The following WDTC1 variants were observed in gnomAD, a reference collection of about 807,000 sequenced individuals.
The protein encoded by WDTC1 is WD and tetratricopeptide repeats 1.
WDTC1 carries 12 observed loss-of-function variants against 76.0 expected under a neutral mutation model. The observed-to-expected ratio is 0.16, with a 90% CI of 0.10 to 0.26. The LOEUF is 0.26. WDTC1 is among the 10% of genes least tolerant of loss of function. WDTC1 has a pLI of 1.00. For synonymous variants in WDTC1, 326 were observed against 350.8 expected, an observed-to-expected ratio of 0.93 and a Z score of 0.79; for missense variants, 511 against 908.8, an observed-to-expected ratio of 0.56 and a Z score of 5.63.
At chr1:27,282,384 C>T (rs1055958533) in intron 4 of WDTC1, 99 bp downstream of exon 4, 57 of 1,240,498 alleles carry the variant, frequency 4.6e-5, no homozygotes, top group Middle Eastern at 2.2e-4. Context: ...AAAGATTGGA[C>T]CCAAATGAAA....
At chr1:27,300,620 C>T (rs1282626708) in intron 12 of WDTC1, among the ~76,000 whole-genome samples, 1 of 152,134 alleles carries the variant, frequency 6.6e-6, no homozygotes, top group Non-Finnish European at 1.5e-5. Context: ...TTCCAGAGAG[C>T]TGACTCTGCC....
chr1:27,271,932 C>T (rs1557492362), intron 3 of WDTC1, among the ~76,000 whole-genome samples: 1 of 150,556 alleles, frequency 6.6e-6, no homozygotes, highest in African/African-American at 2.4e-5. Context: ...CCACTGCGCC[C>T]GGCCTAAAAT....
intron 13 of WDTC1, among the ~76,000 whole-genome samples, chr1:27,302,060 G>A (rs2013843829): frequency 6.6e-6 from 1 of 152,222 alleles, no homozygotes; most frequent in Non-Finnish European, 1.5e-5. Flanking sequence ...CCATCGGAGT[G>A]TGGTCTGTAA....
chr1:27,287,745 G>C lies in WDTC1; in HGVS notation c.363G>C (p.Leu121=). Residue 121 remains leucine, a synonymous_variant, in exon 6 of 16, where the codon CTG becomes CTC. Coordinates refer to ENST00000319394, the MANE Select transcript of WDTC1 (RefSeq NM_001276252.2). ...ACTCTAAGGTGCATGTGCACGACCTGACAGTAAAGGAGACCATCCACATGT... is the reference window on the plus strand; with the variant it reads ...ACTCTAAGGTGCATGTGCACGACCTCACAGTAAAGGAGACCATCCACATGT... ...AADSKVHVHD[L]TVKETIHMFG... The C allele has an allele frequency of 6.2e-7, 1 of 1,614,100 alleles. No homozygotes were observed. The highest frequency in any genetic ancestry group is 8.5e-7 in the Non-Finnish European group (1 of 1,180,004).
intron 6 of WDTC1, among the ~76,000 whole-genome samples, chr1:27,289,042 C>G (rs1323960561): frequency 6.7e-6 from 1 of 148,664 alleles, no homozygotes; most frequent in African/African-American, 2.5e-5. Flanking sequence ...CTGACCCCCC[C>G]ACCTCCCTCC....
In WDTC1 at chr1:27,273,206, CTTTTT is replaced by C. The variant is rs57130485; in HGVS notation, c.133-9017_133-9013del. 1.3e-4 allele frequency among the ~76,000 whole-genome samples: 13 copies of C among 103,672 alleles called. No homozygotes were observed. The Admixed American group carries it at 1.5e-3, about 12-fold the overall frequency. 68.0% of individuals were successfully genotyped at this position (103,672 alleles called of 152,430 possible). A position where few individuals can be genotyped will look rare whatever the true frequency, so the allele number is the denominator to read the frequency against. On this transcript the variant is annotated intron_variant, in intron 3 of 15. Coordinates refer to ENST00000319394, the MANE Select transcript of WDTC1 (RefSeq NM_001276252.2). Reference sequence around the variant, plus strand: ...AAATGACTAATTTTCTTTTTCTTTTCTTTTTTTTTTTTTTTTTTTTGAGATGGAGT... The same window carrying C: ...AAATGACTAATTTTCTTTTTCTTTTCTTTTTTTTTTTTTTTGAGATGGAGT...
chr1:27,296,646 C>A (rs2013694301), intron 10 of WDTC1, among the ~76,000 whole-genome samples: 1 of 152,156 alleles, frequency 6.6e-6, no homozygotes, highest in Non-Finnish European at 1.5e-5. Flanking sequence ...TGGCTTGGCT[C>A]TTGAGAACCT....
intron 1 of WDTC1, among the ~76,000 whole-genome samples, chr1:27,240,353 T>C (rs913217572): frequency 6.6e-6 from 1 of 152,154 alleles, no homozygotes; most frequent in African/African-American, 2.4e-5. Context: ...TTTGAACCCA[T>C]GTCTCCTCCT....
In WDTC1 at chr1:27,262,704, CT is replaced by C. The variant is rs556007357; in HGVS notation, c.49-445del. On this transcript the variant is annotated intron_variant, in intron 2 of 15. Transcript: ENST00000319394. ...ATGCCCAGCCCCTGAATCCTTTTAG[CT>C]TTGTCCATTTGTGGAAGTTTTTTGT... Among the ~76,000 whole-genome samples, 188 of 152,192 alleles carry C rather than the reference CT, an allele frequency of 1.2e-3. 1 individual carries two copies. The highest frequency in any genetic ancestry group is 7.3e-3 in the Admixed American group (112 of 15,266).
chr1:27,292,668 C>A (rs986889568), intron 7 of WDTC1, among the ~76,000 whole-genome samples: 4 of 151,818 alleles, frequency 2.6e-5, no homozygotes, highest in East Asian at 1.9e-4. Flanking sequence ...CTAAAGCAAT[C>A]TTTCCACCTC....
rs1247630062 is a variant in WDTC1, at chr1:27,297,120, A to G, written c.1022A>G (p.Asn341Ser). 1 of 1,613,642 alleles carries G rather than the reference A, an allele frequency of 6.2e-7. No homozygotes were observed. Among genetic ancestry groups the G allele is most frequent in the African/African-American group, 1.3e-5 (1 of 74,892 alleles). ...TCCAATGGCCTGCACCTTCATAGCA[A>G]TGGCTTCCGGCTGCCGGAGAGTAGG... ...GVSNGLHLHS[N>S]GFRLPESRGH... Residue 341 changes from asparagine (N) to serine (S), a missense_variant, in exon 11 of 16, where the codon AAT (asparagine) becomes AGT (serine). Physicochemically the swap from Asn to Ser is conservative, Grantham distance 46 (BLOSUM62 1). Coordinates refer to ENST00000319394, the MANE Select transcript of WDTC1 (RefSeq NM_001276252.2).
intron 1 of WDTC1, among the ~76,000 whole-genome samples, chr1:27,259,406 A>G (rs1381968386): frequency 6.8e-6 from 1 of 146,890 alleles, no homozygotes; most frequent in African/African-American, 2.5e-5. Context: ...GGTTTCAAGT[A>G]GTCCTCCCAC....
At chr1:27,242,240 G>C (rs1385273231) in intron 1 of WDTC1, among the ~76,000 whole-genome samples, 1 of 151,964 alleles carries the variant, frequency 6.6e-6, no homozygotes, top group Non-Finnish European at 1.5e-5. Context: ...TGAGATGGGA[G>C]GATTGTTTGA....
Position 27,306,630 on chromosome 1 carries a change from GC to G in WDTC1, c.*256del, listed in dbSNP as rs3841357. ...AGCAGGAGGGGACACCCCTCCATAT[GC>G]CCCCCCCCATCTCCTGCTTTCATGT... On this transcript the variant is annotated 3_prime_UTR_variant, in exon 16 of 16. Transcript: ENST00000319394. This position sits in a 1 kb window ranked among gnomAD's most constrained non-coding sequence, Gnocchi z 5.0. The G allele has an allele frequency of 4.4e-3, 2,357 of 533,368 alleles. 11 individuals carry two copies. The highest frequency in any genetic ancestry group is 0.022 in the Middle Eastern group (43 of 1,948). 33.0% of individuals were successfully genotyped at this position (533,368 alleles called of 1,614,324 possible).
At chr1:27,296,297 A>G (rs752142680) in intron 9 of WDTC1, 29 bp from the exon 10 acceptor site, 2 of 1,613,844 alleles carry the variant, frequency 1.2e-6, no homozygotes, top group Admixed American at 3.3e-5. Context: ...CACAGCTTCC[A>G]TCTCTTTTTT....
At position 27,289,395 on chromosome 1, in the gene WDTC1, G is replaced by A. The variant is rs1291438307; in HGVS notation, c.479+1534G>A. On this transcript the variant is annotated intron_variant, in intron 6 of 15. Coordinates refer to ENST00000319394, the MANE Select transcript of WDTC1 (RefSeq NM_001276252.2). The stretch of plus-strand genomic sequence containing the variant: ...TCACCTCCCAGACGGGGTCGCGGCC[G>A]GGCAGAGGCGCTCCTCACATCTCAG... Among the ~76,000 whole-genome samples, 8 of 150,428 alleles carry A rather than the reference G, an allele frequency of 5.3e-5. No individual in the cohort carries two copies. In the South Asian group the frequency reaches 1.1e-3, roughly 20 times the overall value.
At chr1:27,295,161 C>G (rs900339431) in intron 9 of WDTC1, among the ~76,000 whole-genome samples, 1 of 152,116 alleles carries the variant, frequency 6.6e-6, no homozygotes, top group Non-Finnish European at 1.5e-5. Flanking sequence ...TTTACTCTAC[C>G]AACACTGAGC....
At chr1:27,244,579 TC>T in intron 1 of WDTC1, among the ~76,000 whole-genome samples, 1 of 152,268 alleles carries the variant, frequency 6.6e-6, no homozygotes, top group East Asian at 1.9e-4. Context: ...CTCCCGGCCT[TC>T]AAGTGATCCT....
Position 27,306,150 on chromosome 1 carries a change from T to A in WDTC1, c.1837-36T>A. On this transcript the variant is annotated intron_variant, in intron 15 of 15. Transcript: ENST00000319394. This position sits in a 1 kb window ranked among gnomAD's most constrained non-coding sequence, Gnocchi z 5.0. ...GTGTACCCTGGTGCCTCTCCCTCCC[T>A]GAGCCCCACGTGTGTCACCCCTTTC... 1 of 1,610,418 alleles carries A rather than the reference T, an allele frequency of 6.2e-7. No individual in the cohort carries two copies. The highest frequency in any genetic ancestry group is 8.5e-7 in the Non-Finnish European group (1 of 1,177,250).
Sources: gnomAD v4.1 joint callset for allele counts (sites outside exome capture counted in the v4.1 genomes callset) on GRCh38, gnomAD v4.1.1 for gene constraint, Gnocchi (gnomAD v3.1) non-coding constraint, MANE v1.5 for transcripts, NCBI Gene and HGNC (gene_info 2026-07-23, HGNC 2026-07-21) for gene names.